The following CCDC81 variants were observed in gnomAD, a reference collection of about 807,000 sequenced individuals.
CCDC81 encodes coiled-coil domain containing 81, also known as coiled-coil domain-containing protein 81.
Under a neutral mutation model 83.7 loss-of-function variants are expected in CCDC81, and 79 were observed. The ratio of observed to expected loss-of-function variants is 0.94; its 90% CI spans 0.79 to 1.14. The LOEUF (loss-of-function observed/expected upper bound fraction) is 1.14, where lower values mean the gene tolerates loss of function less well. Ranked by LOEUF, CCDC81 falls within the 50% of genes most tolerant of loss-of-function variation. The pLI is 0.00. For synonymous variants in CCDC81, 252 were observed against 278.1 expected, an observed-to-expected ratio of 0.91 and a Z score of 0.93; for missense variants, 791 against 778.1, an observed-to-expected ratio of 1.02 and a Z score of -0.20.
In CCDC81 at chr11:86,415,248, A is replaced by G; in HGVS notation, c.1626A>G (p.Lys542=). ...AGGCAGCTGCTAACCACAAGAGGAA[A>G]GCCATCCTGCATCAACTAGTGGACC... The part of the protein sequence containing the change: ...QLEAAANHKR[K]AILHQLVDQR... The change falls in exon 13 of 15, where the codon AAA becomes AAG. Residue 542 remains lysine (K), a synonymous_variant. Coordinates refer to ENST00000445632, the MANE Select transcript of CCDC81 (RefSeq NM_001156474.2). 1.2e-6 allele frequency: 2 copies of G among 1,614,230 alleles called. No individual in the cohort carries two copies. The highest frequency in any genetic ancestry group is 2.2e-5 in the East Asian group (1 of 44,882).
intron 7 of CCDC81, among the ~76,000 whole-genome samples, chr11:86,405,147 A>G (rs1948547637): frequency 6.6e-6 from 1 of 152,178 alleles, no homozygotes. Context: ...CCATGATGGT[A>G]TATTTTTCAG....
At chr11:86,399,105 G>A (rs902785081) in intron 6 of CCDC81, among the ~76,000 whole-genome samples, 3 of 152,156 alleles carry the variant, frequency 2.0e-5, no homozygotes, top group African/African-American at 7.2e-5. Flanking sequence ...GCTGTTAAAA[G>A]TTGACGACTT....
chr11:86,404,713 T>TA (rs1331873363), intron 7 of CCDC81, among the ~76,000 whole-genome samples: 12 of 152,118 alleles, frequency 7.9e-5, no homozygotes, highest in Non-Finnish European at 2.9e-5. Context: ...GAATGGAGAG[T>TA]ATGAACAAGG....
chr11:86,408,041 C>T, intron 8 of CCDC81, 86 bp from the exon 9 acceptor site: 2 of 1,366,990 alleles, frequency 1.5e-6, no homozygotes, highest in African/African-American at 1.5e-5. Context: ...CTTGATATAC[C>T]TAGCCTTTGG....
chr11:86,387,365 T>C (rs1311722988), intron 2 of CCDC81, 151 bp from the exon 3 acceptor site: 3 of 651,304 alleles, frequency 4.6e-6, no homozygotes, highest in Non-Finnish European at 7.8e-6. Flanking sequence ...CTTAGAATTA[T>C]AAAATGCTAT....
chr11:86,402,227 C>A (rs1308808824), intron 7 of CCDC81, among the ~76,000 whole-genome samples: 1 of 150,142 alleles, frequency 6.7e-6, no homozygotes, highest in African/African-American at 2.5e-5. Context: ...TTGAGAAAAC[C>A]AAAAAAGCAA....
intron 13 of CCDC81, 72 bp downstream of exon 13, chr11:86,415,385 A>G: frequency 8.3e-7 from 1 of 1,198,318 alleles, no homozygotes; most frequent in Admixed American, 2.0e-5. Flanking sequence ...CTCTTTTTCC[A>G]CCCTGTCCCT....
intron 7 of CCDC81, among the ~76,000 whole-genome samples, chr11:86,405,287 T>C (rs1167374119): frequency 6.6e-6 from 1 of 152,218 alleles, no homozygotes; most frequent in Non-Finnish European, 1.5e-5. Context: ...TGCCTTCATT[T>C]CTGTACTATG....
At chr11:86,403,262 AGTT>A (rs758257083) in intron 7 of CCDC81, among the ~76,000 whole-genome samples, 1 of 152,034 alleles carries the variant, frequency 6.6e-6, no homozygotes, top group Non-Finnish European at 1.5e-5. Context: ...CTTAAAAAAA[AGTT>A]GTATTTTTAT....
intron 14 of CCDC81, among the ~76,000 whole-genome samples, chr11:86,420,909 G>T (rs939139968): frequency 1.3e-5 from 2 of 152,138 alleles, no homozygotes; most frequent in Non-Finnish European, 2.9e-5. Flanking sequence ...GGGCAGTTGG[G>T]GATTTCAATT....
chr11:86,397,837 A>C (rs1948429706), intron 6 of CCDC81, 95 bp downstream of exon 6: 1 of 1,389,676 alleles, frequency 7.2e-7, no homozygotes, highest in African/African-American at 1.5e-5. Context: ...TAAATTTACA[A>C]ATAATCACTA....
rs144697066 is a variant in CCDC81 at position 86,408,482 on chromosome 11, C to T, written c.1113+212C>T. 3.3e-3 allele frequency among the ~76,000 whole-genome samples: 505 copies of T among 152,076 alleles called. 4 individuals carry two copies. The highest frequency in any genetic ancestry group is 0.012 in the African/African-American group (489 of 41,486). ...CAGATTAGCTGGGACTACAGGCACACGTCACTACACCTGGCTAATTTATGT... is the reference window on the plus strand; with the variant it reads ...CAGATTAGCTGGGACTACAGGCACATGTCACTACACCTGGCTAATTTATGT... On this transcript the variant is annotated intron_variant, in intron 9 of 14. Coordinates refer to ENST00000445632, the MANE Select transcript of CCDC81 (RefSeq NM_001156474.2).
chr11:86,401,950 C>T (rs1367025373), intron 7 of CCDC81, among the ~76,000 whole-genome samples: 8 of 151,878 alleles, frequency 5.3e-5, no homozygotes, highest in Non-Finnish European at 4.4e-5. Flanking sequence ...TCCTGGCTAA[C>T]ACGGTGAAAC....
chr11:86,395,244 G>C lies in CCDC81; in HGVS notation c.556-90G>C, dbSNP rs2138513729. 4.4e-6 allele frequency: 4 copies of C among 912,902 alleles called. No homozygotes were observed. In the East Asian group the frequency reaches 9.9e-5, roughly 23 times the overall value. 56.6% of individuals were successfully genotyped at this position (912,902 alleles called of 1,614,324 possible). Reference sequence around the variant, plus strand: ...TAAACAACAACAAGAAAAGTATCGTGGTAGCCTTGCCTATGAGCCTGCAGT... The same window carrying C: ...TAAACAACAACAAGAAAAGTATCGTCGTAGCCTTGCCTATGAGCCTGCAGT... On this transcript the variant is annotated intron_variant, in intron 4 of 14. Coordinates refer to ENST00000445632, the MANE Select transcript of CCDC81 (RefSeq NM_001156474.2).
Position 86,422,743 on chromosome 11 carries a change from G to C in CCDC81, c.*28G>C. The C allele has an allele frequency of 6.2e-7, 1 of 1,600,138 alleles. No individual in the cohort carries two copies. Among genetic ancestry groups the C allele is most frequent in the Non-Finnish European group, 8.5e-7 (1 of 1,171,090 alleles). The stretch of plus-strand genomic sequence containing the variant: ...CTCAAAGTTTGGCTCTTCGTTTCCC[G>C]GGGAAAGTTTTTATCTTTTACATGT... On this transcript the variant is annotated 3_prime_UTR_variant, in exon 15 of 15. Transcript: ENST00000445632.
intron 1 of CCDC81, among the ~76,000 whole-genome samples, chr11:86,380,307 A>G (rs1948160015): frequency 6.6e-6 from 1 of 152,122 alleles, no homozygotes. Flanking sequence ...GAAGTAGTTC[A>G]ATATAATTCT....
chr11:86,398,717 C>A (rs559340594), intron 6 of CCDC81, among the ~76,000 whole-genome samples: 1 of 152,116 alleles, frequency 6.6e-6, no homozygotes, highest in East Asian at 1.9e-4. Context: ...GGACTACAGG[C>A]GCGCACCACC....
At chr11:86,407,114 T>A (rs1948575912) in intron 7 of CCDC81, among the ~76,000 whole-genome samples, 1 of 152,230 alleles carries the variant, frequency 6.6e-6, no homozygotes, top group Non-Finnish European at 1.5e-5. Flanking sequence ...CTTTACAGTT[T>A]AACACTCCAT....
intron 13 of CCDC81, among the ~76,000 whole-genome samples, chr11:86,416,888 C>G (rs76863864): frequency 0.014 from 2,069 of 152,162 alleles, 21 homozygotes; most frequent in Middle Eastern, 0.031. Context: ...GCTATTTATA[C>G]TTGTTTTTTT....
Sources: gnomAD v4.1 joint callset for allele counts (sites outside exome capture counted in the v4.1 genomes callset) on GRCh38, gnomAD v4.1.1 for gene constraint, MANE v1.5 for transcripts, NCBI Gene and HGNC (gene_info 2026-07-23, HGNC 2026-07-21) for gene names.